CTBP2: variants seen among roughly 807,000 people sequenced by gnomAD.
CTBP2 encodes the protein C-terminal-binding protein 2.
A neutral mutation model predicts 80.3 loss-of-function variants in CTBP2; 30 were observed. The observed-to-expected ratio is 0.37, with a 90% CI of 0.28 to 0.51. The LOEUF (loss-of-function observed/expected upper bound fraction) is 0.51. CTBP2 is among the 20% of genes least tolerant of loss of function. CTBP2 has a pLI of 0.93. For synonymous variants in CTBP2, 594 were observed against 587.4 expected (o/e 1.01, Z -0.16); for missense variants, 1,212 against 1,375.3 (o/e 0.88, Z 1.88).
intron 1 of CTBP2, among the ~76,000 whole-genome samples, chr10:125,018,218 C>T (rs1323200794): frequency 6.6e-6 from 1 of 152,176 alleles, no homozygotes; most frequent in Non-Finnish European, 1.5e-5. Flanking sequence ...GATGGGGGAT[C>T]ATCCTTGTCA....
chr10:125,026,741 CG>C lies in CTBP2; in HGVS notation c.1018del (p.Arg340ValfsTer3). 1.2e-6 allele frequency: 2 copies of C among 1,612,990 alleles called. No individual in the cohort carries two copies. Among genetic ancestry groups the C allele is most frequent in the Non-Finnish European group, 1.7e-6 (2 of 1,179,956 alleles). ...GCTATTGGCCAGGCGGCTCAGAACA[CG>C]GGCCTGGCCCAGGTTGGGTGCGACA... On this transcript the variant is annotated frameshift_variant, in exon 1 of 9. Coordinates refer to ENST00000309035, the MANE Select transcript of CTBP2 (RefSeq NM_022802.3). LOFTEE classifies it high-confidence loss of function.
At chr10:125,061,457 G>A (rs1964957133) in intron 2 of CTBP2, among the ~76,000 whole-genome samples, 1 of 152,146 alleles carries the variant, frequency 6.6e-6, no homozygotes, top group African/African-American at 2.4e-5. Flanking sequence ...ACAGGAAGGG[G>A]TACAGGCCCT....
rs1554942752 is a variant in CTBP2 at position 124,988,068 on chromosome 10, G to GTTTGT, written c.*1449_*1450insACAAA. On this transcript the variant is annotated 3_prime_UTR_variant, in exon 9 of 9. Transcript: ENST00000309035. ...AGAACTCTAAAAGTTGAGCAACTTT[G>GTTTGT]TTTTTTTTTGAATTGATTTAGCACT... 2.0e-5 allele frequency: 3 copies of GTTTGT among 151,388 alleles called. No homozygotes were observed. Among genetic ancestry groups the GTTTGT allele is most frequent in the African/African-American group, 7.3e-5 (3 of 41,136 alleles). 9.4% of individuals were successfully genotyped at this position (151,388 alleles called of 1,614,324 possible). A position where few individuals can be genotyped will look rare whatever the true frequency, so the allele number is the denominator to read the frequency against.
At chr10:125,052,606 C>T (rs1464391556) in intron 2 of CTBP2, among the ~76,000 whole-genome samples, 4 of 152,222 alleles carry the variant, frequency 2.6e-5, no homozygotes, top group South Asian at 2.1e-4. Context: ...GATCCCCACA[C>T]GGCCCACAGA....
At position 124,988,690 on chromosome 10, in the gene CTBP2, A is replaced by C. The variant is rs536759124; in HGVS notation, c.*828T>G. On this transcript the variant is annotated 3_prime_UTR_variant, in exon 9 of 9. Transcript: ENST00000309035. ...CACGTGAAGAAAAGAAGACTTTATC[A>C]ATGTCTAAAAAAGTGGGTTTGTTCA... 2 of 152,740 alleles carry C rather than the reference A, an allele frequency of 1.3e-5. No homozygotes were observed. The highest frequency in any genetic ancestry group is 3.9e-4 in the East Asian group (2 of 5,190). The allele number at this position is 152,740 out of a possible 1,614,324, so 9.5% of individuals were successfully genotyped here.
intron 2 of CTBP2, among the ~76,000 whole-genome samples, chr10:125,083,071 C>G (rs996684161): frequency 6.6e-6 from 1 of 152,210 alleles, no homozygotes; most frequent in African/African-American, 2.4e-5. Context: ...TGGTCCCCAC[C>G]AGACTGCAAG....
At position 125,067,983 on chromosome 10, in the gene CTBP2, C is replaced by T. The variant is rs531453845; in HGVS notation, c.-101-28828G>A. Among the ~76,000 whole-genome samples the T allele has an allele frequency of 1.2e-4, 19 of 152,330 alleles. 1 individual carries two copies. In the Middle Eastern group the frequency reaches 0.02, roughly 164 times the overall value. The stretch of plus-strand genomic sequence containing the variant: ...CTCCTTGGTGGGCCTCTCACCTGTC[C>T]ACTTGCCACAGGATCTACCTGCCCT... On this transcript the variant is annotated intron_variant, in intron 2 of 10. Coordinates refer to the CTBP2 transcript ENST00000337195.
At chr10:125,007,432 A>G (rs3781432) in intron 1 of CTBP2, among the ~76,000 whole-genome samples, 11,271 of 152,318 alleles carry the variant, frequency 0.074, 549 homozygotes, top group Admixed American at 0.14. Context: ...AACAAAGACA[A>G]CACCAGGCCA....
intron 1 of CTBP2, among the ~76,000 whole-genome samples, chr10:125,008,670 G>A (rs1194621921): frequency 6.6e-6 from 1 of 152,244 alleles, no homozygotes; most frequent in Non-Finnish European, 1.5e-5. Flanking sequence ...GCTCCGAGCT[G>A]TACAGAGTAA....
intron 2 of CTBP2, among the ~76,000 whole-genome samples, chr10:125,110,120 C>A (rs57151285): frequency 0.092 from 14,004 of 152,242 alleles, 804 homozygotes; most frequent in African/African-American, 0.15. Flanking sequence ...CAAACTTAAA[C>A]CTCTCTGGGA....
chr10:125,018,768 T>C (rs1408905055), intron 1 of CTBP2, among the ~76,000 whole-genome samples: 3 of 152,210 alleles, frequency 2.0e-5, no homozygotes, highest in Non-Finnish European at 4.4e-5. Context: ...TAGCTGGTAT[T>C]GCAGGACGCG....
chr10:125,085,864 G>GTGTC (rs1184846834), intron 2 of CTBP2, among the ~76,000 whole-genome samples: 1 of 152,220 alleles, frequency 6.6e-6, no homozygotes, highest in African/African-American at 2.4e-5. Context: ...TCCTAGCCCA[G>GTGTC]TGTCTGGAAG....
intron 1 of CTBP2, among the ~76,000 whole-genome samples, chr10:125,117,787 T>C (rs761079190): frequency 2.6e-5 from 4 of 152,178 alleles, no homozygotes; most frequent in Non-Finnish European, 5.9e-5. Context: ...TATCCTTTAT[T>C]CAGGGAAGGA....
chr10:124,985,017 C>T lies in CTBP2; in HGVS notation c.*4501G>A. 2 of 1,551,822 alleles carry T rather than the reference C, an allele frequency of 1.3e-6. No homozygotes were observed. The highest frequency in any genetic ancestry group is 1.8e-6 in the Non-Finnish European group (2 of 1,135,904). On this transcript the variant is annotated 3_prime_UTR_variant, in exon 9 of 9. Transcript: ENST00000309035. Reference sequence around the variant, plus strand: ...AAAAAAAAAATCAAACAGCAGAAGACCAAGGCATCAGATCTGTAATGACCC... The same window carrying T: ...AAAAAAAAAATCAAACAGCAGAAGATCAAGGCATCAGATCTGTAATGACCC...
intron 2 of CTBP2, among the ~76,000 whole-genome samples, chr10:125,095,507 TGTTAGGG>T: frequency 6.6e-6 from 1 of 151,928 alleles, no homozygotes; most frequent in African/African-American, 2.4e-5. Flanking sequence ...GCTCCGTTGG[TGTTAGGG>T]GTCACCAGGC....
Position 124,989,647 on chromosome 10 carries a change from C to T in CTBP2, c.2829G>A (p.Met943Ile). 1 of 1,608,512 alleles carries T rather than the reference C, an allele frequency of 6.2e-7. No homozygotes were observed. Among genetic ancestry groups the T allele is most frequent in the Non-Finnish European group, 8.5e-7 (1 of 1,176,892 alleles). The change falls in exon 9 of 9, where the codon ATG (methionine) becomes ATA (isoleucine). Residue 943 changes from methionine to isoleucine, a missense_variant. Physicochemically the swap from Met to Ile is conservative, Grantham distance 10 (BLOSUM62 1). This residue lies in a region of CTBP2 where 335 missense variants were observed against 504.7 expected (regional missense o/e 0.66). Transcript: ENST00000309035. ...GGATGCCTCCAGGGATGATCCCTTC[C>T]ATGGCTGCAGGAAGTCCTCCTGGAG... is the stretch of plus-strand genomic sequence containing the variant.
intron 1 of CTBP2, among the ~76,000 whole-genome samples, chr10:125,013,690 G>A (rs778600339): frequency 4.6e-5 from 7 of 152,152 alleles, no homozygotes; most frequent in Non-Finnish European, 8.8e-5. Context: ...TAACGGAGGC[G>A]GGGGGAACTT....
chr10:125,099,777 A>T (rs1213438733), intron 2 of CTBP2, among the ~76,000 whole-genome samples: 3 of 152,206 alleles, frequency 2.0e-5, no homozygotes, highest in Non-Finnish European at 4.4e-5. Context: ...CTCTGGACCC[A>T]TCACTCCAGC....
rs1203916494 is a variant in CTBP2 at position 125,152,437 on chromosome 10, T to C, written c.-206+7882A>G. ...GTCAGTCTGAGCGGATCGCAGGGGT[T>C]CCAGGCGCCCCAGGCCCCCCACACC... On this transcript the variant is annotated intron_variant, in intron 1 of 10. Transcript: ENST00000337195. Among the ~76,000 whole-genome samples, 3 of 152,180 alleles carry C rather than the reference T, an allele frequency of 2.0e-5. No homozygotes were observed. In the East Asian group the frequency reaches 5.8e-4, roughly 29 times the overall value.
Sources: allele counts gnomAD v4.1 joint callset (sites outside exome capture counted in the v4.1 genomes callset), GRCh38; gene constraint gnomAD v4.1.1; regional missense constraint gnomAD v4.1.1; transcripts MANE v1.5; gene names NCBI Gene and HGNC (gene_info 2026-07-23, HGNC 2026-07-21).